PCDHA11: variants seen among roughly 807,000 people sequenced by gnomAD.
The protein encoded by PCDHA11 is protocadherin alpha-11.
Under a neutral mutation model 70.3 loss-of-function variants are expected in PCDHA11, and 61 were observed. The observed-to-expected ratio is 0.87, with a 90% CI of 0.71 to 1.07. The LOEUF is 1.07. Among genes scored for constraint, PCDHA11 ranks in the 50% least tolerant of loss-of-function variants. PCDHA11 has a pLI of 0.00. For missense variants in PCDHA11, 1,324 were observed against 1,237.5 expected (o/e 1.07, Z -1.05); for synonymous variants, 633 against 555.1 (o/e 1.14, Z -1.97).
chr5:140,876,648 T>A, intron 1 of PCDHA11: 4 of 1,614,208 alleles, frequency 2.5e-6, no homozygotes, highest in Non-Finnish European at 3.4e-6. Flanking sequence ...TGACACCTCA[T>A]GTTCCCTTCA....
intron 1 of PCDHA11, among the ~76,000 whole-genome samples, chr5:140,906,517 TACTC>T (rs2072719927): frequency 2.0e-5 from 3 of 152,358 alleles, no homozygotes; most frequent in Admixed American, 6.5e-5. Context: ...AAGGAGGAAA[TACTC>T]ACGACAATTA....
intron 1 of PCDHA11, among the ~76,000 whole-genome samples, chr5:140,892,799 G>A (rs1222453314): frequency 6.6e-6 from 1 of 152,108 alleles, no homozygotes; most frequent in African/African-American, 2.4e-5. Flanking sequence ...AGAAATTATA[G>A]TTAACCATAT....
chr5:140,988,847 C>A (rs2097315589), intron 3 of PCDHA11: 1 of 152,186 alleles, frequency 6.6e-6, no homozygotes, highest in African/African-American at 2.4e-5. Context: ...CTCCTGAAAC[C>A]TATCCAGTCT....
intron 1 of PCDHA11, chr5:140,877,590 G>T: frequency 1.2e-6 from 2 of 1,613,826 alleles, no homozygotes; most frequent in Non-Finnish European, 1.7e-6. Flanking sequence ...CCATCTGTGC[G>T]GTGTCCAGCC....
chr5:140,980,359 C>T (rs369647369), intron 2 of PCDHA11, among the ~76,000 whole-genome samples: 1 of 152,114 alleles, frequency 6.6e-6, no homozygotes. Context: ...GGACTGGGCG[C>T]GGTGGCTCAC....
intron 3 of PCDHA11, among the ~76,000 whole-genome samples, chr5:141,005,512 G>C (rs1015892170): frequency 6.6e-6 from 1 of 151,536 alleles, no homozygotes; most frequent in Non-Finnish European, 1.5e-5. Flanking sequence ...GACCATCCTG[G>C]CTAACACGGT....
rs1554162367 is a variant in PCDHA11 at position 140,868,990 on chromosome 5, G to A, written c.-114G>A. 39 of 1,511,606 alleles carry A rather than the reference G, an allele frequency of 2.6e-5. No homozygotes were observed. Among genetic ancestry groups the A allele is most frequent in the Non-Finnish European group, 2.4e-5 (27 of 1,131,576 alleles). The allele number at this position is 1,511,606 out of a possible 1,614,324, so 93.6% of individuals were successfully genotyped here. A position where few individuals can be genotyped will look rare whatever the true frequency, so the allele number is the denominator to read the frequency against. On this transcript the variant is annotated 5_prime_UTR_variant, in exon 1 of 4. Coordinates refer to ENST00000398640, the MANE Select transcript of PCDHA11 (RefSeq NM_018902.5). Reference sequence around the variant, plus strand: ...GAACTCCATCATACCGGATGCCACCGTTTAAGGATCCTTTGAAACTTCTTA... The same window carrying A: ...GAACTCCATCATACCGGATGCCACCATTTAAGGATCCTTTGAAACTTCTTA...
intron 3 of PCDHA11, among the ~76,000 whole-genome samples, chr5:140,993,108 G>A (rs1554253416): frequency 6.6e-6 from 1 of 152,202 alleles, no homozygotes; most frequent in African/African-American, 2.4e-5. Flanking sequence ...TCAGCGGTCA[G>A]TGTCACATCA....
At chr5:140,928,139 C>T in intron 1 of PCDHA11, 2 of 1,614,174 alleles carry the variant, frequency 1.2e-6, no homozygotes, top group Non-Finnish European at 8.5e-7. Flanking sequence ...GTCCTGATCA[C>T]GGCCTCAGAT....
At position 140,869,590 on chromosome 5, in the gene PCDHA11, G is replaced by A. The variant is rs372301742; in HGVS notation, c.487G>A (p.Glu163Lys). 61 of 1,613,984 alleles carry A rather than the reference G, an allele frequency of 3.8e-5. No individual in the cohort carries two copies. The highest frequency in any genetic ancestry group is 4.9e-5 in the Non-Finnish European group (58 of 1,180,038). ...PLEGASDADI[E>K]ENALLTYRLS... ...AGAGGGAGCTTCTGATGCTGACATT[G>A]AAGAGAATGCTCTATTGACCTACAG... The change falls in exon 1 of 4, where the codon GAA becomes AAA. Residue 163 changes from glutamate to lysine, a missense_variant. Coordinates refer to ENST00000398640, the MANE Select transcript of PCDHA11 (RefSeq NM_018902.5).
intron 1 of PCDHA11, among the ~76,000 whole-genome samples, chr5:140,926,017 G>C (rs1222079500): frequency 2.0e-5 from 3 of 152,050 alleles, no homozygotes; most frequent in African/African-American, 7.2e-5. Context: ...GCCAGAGTCC[G>C]GAGGCAGTTT....
intron 1 of PCDHA11, among the ~76,000 whole-genome samples, chr5:140,932,168 A>G (rs1279324749): frequency 1.3e-5 from 2 of 151,944 alleles, no homozygotes; most frequent in African/African-American, 4.8e-5. Flanking sequence ...ACAATTAGAC[A>G]ATGTGTACCT....
Position 140,870,883 on chromosome 5 carries a change from C to T in PCDHA11, c.1780C>T (p.Arg594Cys). Residue 594 changes from arginine to cysteine, a missense_variant, in exon 1 of 4, where the codon CGC (arginine) becomes TGC (cysteine). Transcript: ENST00000398640. ...VGAGHVVAKV[R>C]AVDADSGYNA... ...TGCGGGCCACGTGGTGGCGAAGGTG[C>T]GCGCAGTGGATGCGGACTCAGGCTA... 3 of 1,613,920 alleles carry T rather than the reference C, an allele frequency of 1.9e-6. No homozygotes were observed. Among genetic ancestry groups the T allele is most frequent in the Middle Eastern group, 1.6e-4 (1 of 6,062 alleles).
At chr5:140,991,919 A>T (rs185947527) in intron 3 of PCDHA11, among the ~76,000 whole-genome samples, 96 of 152,274 alleles carry the variant, frequency 6.3e-4, no homozygotes, top group Admixed American at 1.2e-3. Flanking sequence ...GCCATGTAAC[A>T]TAACATATTC....
intron 1 of PCDHA11, chr5:140,927,070 A>G (rs1697871410): frequency 1.9e-6 from 3 of 1,610,816 alleles, no homozygotes; most frequent in Non-Finnish European, 2.5e-6. Context: ...CTTCCTTTCC[A>G]GCCACCGCGA....
At chr5:140,927,349 G>T in intron 1 of PCDHA11, 1 of 1,614,016 alleles carries the variant, frequency 6.2e-7, no homozygotes, top group Non-Finnish European at 8.5e-7. Flanking sequence ...AGATGACGAC[G>T]AGGGAAGCAA....
chr5:140,887,853 C>G (rs145942561), intron 1 of PCDHA11, among the ~76,000 whole-genome samples: 1 of 152,170 alleles, frequency 6.6e-6, no homozygotes, highest in African/African-American at 2.4e-5. Flanking sequence ...GACATATTTT[C>G]CAAGTTCACT....
chr5:140,918,473 T>G (rs1385942505), intron 1 of PCDHA11, among the ~76,000 whole-genome samples: 1 of 152,284 alleles, frequency 6.6e-6, no homozygotes, highest in East Asian at 1.9e-4. Context: ...ATTCCAAGTC[T>G]CAAGGGGAAT....
intron 1 of PCDHA11, among the ~76,000 whole-genome samples, chr5:140,903,298 A>G (rs1218115864): frequency 6.6e-6 from 1 of 152,170 alleles, no homozygotes; most frequent in Non-Finnish European, 1.5e-5. Context: ...TAGGAAATTT[A>G]GTATACAATA....
Sources: allele counts gnomAD v4.1 joint callset (sites outside exome capture counted in the v4.1 genomes callset), GRCh38; gene constraint gnomAD v4.1.1; transcripts MANE v1.5; gene names NCBI Gene and HGNC (gene_info 2026-07-23, HGNC 2026-07-21).